LDLRAD4: variants seen among roughly 807,000 people sequenced by gnomAD.
LDLRAD4 encodes the protein low-density lipoprotein receptor class A domain-containing protein 4.
In LDLRAD4, 5 loss-of-function variants were observed where a neutral mutation model predicts 17.0. The observed-to-expected ratio is 0.29, with a 90% CI of 0.15 to 0.62. The LOEUF (loss-of-function observed/expected upper bound fraction) is 0.62, where lower values mean the gene tolerates loss of function less well. Ranked by LOEUF, LDLRAD4 falls within the 20% of genes least tolerant of loss-of-function variation. The pLI, the probability that LDLRAD4 is intolerant of heterozygous loss-of-function variation, is 0.84. For missense variants in LDLRAD4, 340 were observed against 424.7 expected (o/e 0.80, Z 1.75); for synonymous variants, 168 against 171.8 (o/e 0.98, Z 0.17).
At chr18:13,372,864 A>G (rs1295893144) in intron 1 of LDLRAD4, among the ~76,000 whole-genome samples, 4 of 152,226 alleles carry the variant, frequency 2.6e-5, no homozygotes, top group East Asian at 1.9e-4. Flanking sequence ...TCGGCAGAGC[A>G]GAGGAGCAGG....
intron 1 of LDLRAD4, chr18:13,242,101 A>G (rs1598851313): frequency 6.6e-6 from 1 of 152,286 alleles, no homozygotes. Flanking sequence ...TCTGAAAACA[A>G]TAACAAAAGA....
intron 3 of LDLRAD4, among the ~76,000 whole-genome samples, chr18:13,609,859 G>A (rs1307430534): frequency 6.6e-6 from 1 of 152,168 alleles, no homozygotes; most frequent in Non-Finnish European, 1.5e-5. Context: ...GCGCACGCCT[G>A]TAATCCCAGC....
chr18:13,499,351 A>G (rs958525133), intron 3 of LDLRAD4, among the ~76,000 whole-genome samples: 7 of 135,592 alleles, frequency 5.2e-5, no homozygotes, highest in Non-Finnish European at 9.3e-5. Context: ...TCCTTGCCAC[A>G]CACGTCCTGC....
intron 3 of LDLRAD4, among the ~76,000 whole-genome samples, chr18:13,458,133 C>T (rs183445787): frequency 5.9e-5 from 9 of 152,244 alleles, no homozygotes; most frequent in East Asian, 3.9e-4. Flanking sequence ...GCCTGCAGAA[C>T]GCGCAGGGCC....
intron 2 of LDLRAD4, among the ~76,000 whole-genome samples, chr18:13,395,791 A>G (rs2086643762): frequency 6.6e-6 from 1 of 151,180 alleles, no homozygotes; most frequent in Non-Finnish European, 1.5e-5. Flanking sequence ...GCAGAGGTTG[A>G]GGATTTTAGC....
intron 3 of LDLRAD4, among the ~76,000 whole-genome samples, chr18:13,486,172 A>G (rs2093217903): frequency 6.6e-6 from 1 of 152,150 alleles, no homozygotes. Context: ...AACATTAATC[A>G]TGTTGGGCTG....
chr18:13,523,538 A>G (rs7244652), intron 3 of LDLRAD4, among the ~76,000 whole-genome samples: 151,133 of 152,316 alleles, frequency 0.99, 74,989 homozygotes, highest in Middle Eastern at 1. Context: ...AGCCTGACCC[A>G]GGCTGACGGC....
intron 2 of LDLRAD4, among the ~76,000 whole-genome samples, chr18:13,430,516 A>G (rs747168912): frequency 6.6e-6 from 1 of 152,082 alleles, no homozygotes; most frequent in Non-Finnish European, 1.5e-5. Context: ...CCCAAAGTCT[A>G]CCTACCACGT....
rs1410868205 is a variant in LDLRAD4 at position 13,284,759 on chromosome 18, G to A, written c.-383+6571G>A. ...CCCAGCACCTCCCTGTCCGTTTTCC[G>A]CCTTCCTGCCCCTGCTCGAGGCCAC... On this transcript the variant is annotated intron_variant, in intron 1 of 5. Coordinates refer to ENST00000359446, the Ensembl canonical transcript of LDLRAD4. Among the ~76,000 whole-genome samples, 5 of 152,196 alleles carry A rather than the reference G, an allele frequency of 3.3e-5. No homozygotes were observed. The South Asian group carries it at 8.3e-4, about 25-fold the overall frequency.
exon 6 of LDLRAD4, chr18:13,652,337 T>G (rs971179151): frequency 6.6e-6 from 1 of 152,268 alleles, no homozygotes; most frequent in Non-Finnish European, 1.5e-5. Flanking sequence ...AATTGTATAC[T>G]TGTCTAGTTT....
chr18:13,651,064 A>G (rs953135973), exon 6 of LDLRAD4: 2 of 152,246 alleles, frequency 1.3e-5, no homozygotes, highest in African/African-American at 4.8e-5. Flanking sequence ...AGTGTTAGTT[A>G]TATTTGAGTC....
intron 3 of LDLRAD4, chr18:13,542,152 T>G (rs1485197906): frequency 2.6e-5 from 4 of 152,244 alleles, no homozygotes; most frequent in African/African-American, 4.8e-5. Flanking sequence ...TAAAGCTGGC[T>G]GTTGTGTAGT....
rs2046697770 is a variant in LDLRAD4, at chr18:13,303,074, G to T, written c.-383+24886G>T. 2.0e-5 allele frequency among the ~76,000 whole-genome samples: 3 copies of T among 152,334 alleles called. No homozygotes were observed. In the South Asian group the frequency reaches 6.2e-4, roughly 32 times the overall value. On this transcript the variant is annotated intron_variant, in intron 1 of 5. Transcript: ENST00000359446. ...TAGACTTCTCCAGTGGCCTGGGGCTGTCTGCCCTGGGCACTCAGCTGACCT... is the reference window on the plus strand; with the variant it reads ...TAGACTTCTCCAGTGGCCTGGGGCTTTCTGCCCTGGGCACTCAGCTGACCT...
chr18:13,404,243 TG>T (rs2087506123), intron 2 of LDLRAD4, among the ~76,000 whole-genome samples: 1 of 152,304 alleles, frequency 6.6e-6, no homozygotes, highest in East Asian at 1.9e-4. Flanking sequence ...CCCCTTCCCC[TG>T]GGGGGCATCA....
chr18:13,380,704 A>G (rs2085291350), intron 1 of LDLRAD4, among the ~76,000 whole-genome samples: 1 of 152,228 alleles, frequency 6.6e-6, no homozygotes. Context: ...ATGTTCTAAT[A>G]TAATTATTGC....
intron 1 of LDLRAD4, among the ~76,000 whole-genome samples, chr18:13,270,020 C>G (rs1301582828): frequency 1.3e-5 from 2 of 152,134 alleles, no homozygotes; most frequent in Admixed American, 1.3e-4. Flanking sequence ...CCAGGGCTGT[C>G]TAGAGCCGTG....
intron 1 of LDLRAD4, among the ~76,000 whole-genome samples, chr18:13,354,989 G>C (rs1374404189): frequency 6.6e-6 from 1 of 152,154 alleles, no homozygotes; most frequent in South Asian, 2.1e-4. Flanking sequence ...GATGCCTGAA[G>C]GGAAATGAAT....
chr18:13,616,251 T>TCGGG (rs1324310171), intron 3 of LDLRAD4: 1 of 143,188 alleles, frequency 7.0e-6, no homozygotes, highest in East Asian at 2.0e-4. Context: ...GGAGGACAGG[T>TCGGG]GGGGGGGGGG....
Position 13,622,103 on chromosome 18 carries a change from G to A in LDLRAD4, c.336+832G>A, listed in dbSNP as rs2040711988. Among the ~76,000 whole-genome samples the A allele has an allele frequency of 6.6e-6, 1 of 152,172 alleles. No individual in the cohort carries two copies. The highest frequency in any genetic ancestry group is 1.9e-4 in the East Asian group (1 of 5,190). On this transcript the variant is annotated intron_variant, in intron 4 of 5. Coordinates refer to ENST00000359446, the Ensembl canonical transcript of LDLRAD4. This position sits in a 1 kb window ranked among gnomAD's most constrained non-coding sequence, Gnocchi z 5.3. ...CTGCGGTATGCTGAGCACAGGAGCC[G>A]GTCCTTACGGAGCATCCCTCTTCAG...
Sources: gnomAD v4.1 joint callset for allele counts (sites outside exome capture counted in the v4.1 genomes callset) on GRCh38, gnomAD v4.1.1 for gene constraint, Gnocchi (gnomAD v3.1) non-coding constraint, MANE v1.5 for transcripts, NCBI Gene and HGNC (gene_info 2026-07-23, HGNC 2026-07-21) for gene names.